GSE1: variants seen among roughly 807,000 people sequenced by gnomAD.
GSE1 encodes genetic suppressor element 1.
In GSE1, 32 loss-of-function variants were observed where a neutral mutation model predicts 112.6. The ratio of observed to expected loss-of-function variants is 0.28; its 90% CI spans 0.21 to 0.38. GSE1 has a LOEUF of 0.38. GSE1 is among the 10% of genes least tolerant of loss of function. The pLI, the probability that GSE1 is intolerant of heterozygous loss-of-function variation, is 1.00. For synonymous variants in GSE1, 1,115 were observed against 735.6 expected, an observed-to-expected ratio of 1.52 and a Z score of -8.35; for missense variants, 2,348 against 1,699.2, an observed-to-expected ratio of 1.38 and a Z score of -6.71.
intron 1 of GSE1, among the ~76,000 whole-genome samples, chr16:85,215,986 A>G (rs1162162350): frequency 6.6e-6 from 1 of 152,152 alleles, no homozygotes; most frequent in African/African-American, 2.4e-5. Context: ...TGGGCCAGAG[A>G]CATACTTGAC....
chr16:85,478,132 C>T, intron 2 of GSE1, among the ~76,000 whole-genome samples: 1 of 152,166 alleles, frequency 6.6e-6, no homozygotes. Context: ...CACTGTGTGA[C>T]CTTTTGTGTC....
chr16:85,259,285 C>G (rs1567645051), intron 1 of GSE1, among the ~76,000 whole-genome samples: 1 of 75,456 alleles, frequency 1.3e-5, no homozygotes, highest in African/African-American at 5.7e-5. Flanking sequence ...TCCACCCTGG[C>G]CCACCCTGTG....
intron 2 of GSE1, among the ~76,000 whole-genome samples, chr16:85,545,004 G>A (rs888526551): frequency 4.7e-4 from 72 of 152,212 alleles, no homozygotes; most frequent in African/African-American, 1.6e-3. Flanking sequence ...TCCTCCCCTC[G>A]GGAGACCTCC....
chr16:85,501,624 G>C (rs2051370475), intron 2 of GSE1, among the ~76,000 whole-genome samples: 1 of 151,894 alleles, frequency 6.6e-6, no homozygotes, highest in Admixed American at 6.6e-5. Flanking sequence ...CGAACCCCTG[G>C]CCTCGGCAAC....
intron 1 of GSE1, among the ~76,000 whole-genome samples, chr16:85,234,799 G>A (rs890944810): frequency 6.6e-6 from 1 of 152,194 alleles, no homozygotes; most frequent in Non-Finnish European, 1.5e-5. Context: ...GAATGCTGGC[G>A]GGTGGGGTGG....
At chr16:85,439,770 C>T (rs904189824) in intron 2 of GSE1, among the ~76,000 whole-genome samples, 2 of 152,130 alleles carry the variant, frequency 1.3e-5, no homozygotes, top group African/African-American at 2.4e-5. Flanking sequence ...CAGACACACA[C>T]ACAAAAGTGA....
At chr16:85,573,052 T>G (rs548312227) in intron 1 of GSE1, among the ~76,000 whole-genome samples, 3 of 152,316 alleles carry the variant, frequency 2.0e-5, no homozygotes, top group African/African-American at 7.2e-5. Context: ...GTATTTTTAG[T>G]AGGGTTTTGC....
intron 1 of GSE1, among the ~76,000 whole-genome samples, chr16:85,236,565 G>C (rs1036158507): frequency 1.3e-5 from 2 of 152,154 alleles, no homozygotes; most frequent in South Asian, 4.1e-4. Context: ...TGTGGAGAGA[G>C]AACAGTGTGT....
At chr16:85,663,278 C>T (rs777583539) in intron 10 of GSE1, 66 bp from the exon 11 acceptor site, 33 of 1,562,582 alleles carry the variant, frequency 2.1e-5, no homozygotes, top group African/African-American at 4.1e-5. Flanking sequence ...AGGAGGGGAC[C>T]CCGGGACAGT....
chr16:85,212,495 T>A (rs1379446190), intron 1 of GSE1, among the ~76,000 whole-genome samples: 1 of 152,066 alleles, frequency 6.6e-6, no homozygotes, highest in East Asian at 1.9e-4. Flanking sequence ...GTCATAAGGA[T>A]AGATCAGGAC....
chr16:85,587,086 A>G (rs1446815990), intron 1 of GSE1, among the ~76,000 whole-genome samples: 3 of 151,356 alleles, frequency 2.0e-5, no homozygotes, highest in African/African-American at 4.9e-5. Flanking sequence ...CCTGGAGGAG[A>G]CAATAGTAGG....
chr16:85,188,056 C>G (rs2074743918), intron 1 of GSE1, among the ~76,000 whole-genome samples: 1 of 152,242 alleles, frequency 6.6e-6, no homozygotes, highest in Non-Finnish European at 1.5e-5. Flanking sequence ...GCCCTGTTCA[C>G]AGTGGCTGCC....
chr16:85,632,886 C>G (rs1488095918), intron 1 of GSE1, among the ~76,000 whole-genome samples: 1 of 152,184 alleles, frequency 6.6e-6, no homozygotes. Flanking sequence ...AACATTTTGA[C>G]CAGGTTGGGC....
chr16:85,338,474 C>G (rs1042450313), intron 1 of GSE1, among the ~76,000 whole-genome samples: 1 of 152,196 alleles, frequency 6.6e-6, no homozygotes, highest in East Asian at 1.9e-4. Flanking sequence ...CCCCCTCCAT[C>G]AAATGGGCGT....
chr16:85,587,259 G>A (rs2046749584), intron 1 of GSE1, among the ~76,000 whole-genome samples: 1 of 152,168 alleles, frequency 6.6e-6, no homozygotes, highest in Non-Finnish European at 1.5e-5. Context: ...AATAAAGGGG[G>A]AAACGGCGAT....
At chr16:85,459,180 G>T (rs1164980719) in intron 2 of GSE1, among the ~76,000 whole-genome samples, 2 of 152,184 alleles carry the variant, frequency 1.3e-5, no homozygotes, top group Admixed American at 1.3e-4. Flanking sequence ...GAGGCAGGCA[G>T]ATTCTATCTA....
At chr16:85,171,640 C>T in exon 1 of GSE1, 1 of 985,514 alleles carries the variant, frequency 1.0e-6, no homozygotes, top group South Asian at 4.7e-5. Flanking sequence ...GGCCCGGCTG[C>T]CCCTGTTCCT....
At chr16:85,182,665 A>G (rs1173120026) in intron 1 of GSE1, among the ~76,000 whole-genome samples, 1 of 152,156 alleles carries the variant, frequency 6.6e-6, no homozygotes, top group Non-Finnish European at 1.5e-5. Context: ...GGCAGGTGAC[A>G]AGGTGAACCA....
At position 85,272,768 on chromosome 16, in the gene GSE1, TTC is replaced by T. The variant is rs1367662391; in HGVS notation, c.2284-84691_2284-84690del. Among the ~76,000 whole-genome samples the T allele has an allele frequency of 2.7e-5, 4 of 150,372 alleles. No homozygotes were observed. The South Asian group carries it at 8.3e-4, about 31-fold the overall frequency. ...CTTGCTTGCTTGCTTGCTTGTTTTC[TTC>T]TCTTTTCTTTTTTTTTTTTTTTTTT... On this transcript the variant is annotated intron_variant, in intron 1 of 2. Coordinates refer to the GSE1 transcript ENST00000637419.
Sources: allele counts gnomAD v4.1 joint callset (sites outside exome capture counted in the v4.1 genomes callset), GRCh38; gene constraint gnomAD v4.1.1; transcripts MANE v1.5; gene names NCBI Gene and HGNC (gene_info 2026-07-23, HGNC 2026-07-21).